Variants in PPARGC1A observed in about 807,000 individuals in gnomAD.
The protein encoded by PPARGC1A is peroxisome proliferator-activated receptor gamma coactivator 1-alpha.
A neutral mutation model predicts 88.7 loss-of-function variants in PPARGC1A; 25 were observed. That is an observed-to-expected ratio of 0.28 (90% CI 0.21 to 0.39). PPARGC1A has a LOEUF of 0.39. Among genes scored for constraint, PPARGC1A ranks in the 10% least tolerant of loss-of-function variants. The probability of loss-of-function intolerance (pLI) is 1.00; values close to 1 mark genes in which losing one functional copy is unlikely to be tolerated. For synonymous variants in PPARGC1A, 363 were observed against 355.6 expected, an observed-to-expected ratio of 1.02 and a Z score of -0.24; for missense variants, 880 against 968.7, an observed-to-expected ratio of 0.91 and a Z score of 1.22.
chr4:24,243,860 T>C, the PPARGC1A span, among the ~76,000 whole-genome samples: 1 of 152,198 alleles, frequency 6.6e-6, no homozygotes, highest in Non-Finnish European at 1.5e-5. Context: ...AGCTGTTTCC[T>C]AAGAAAACAG....
At chr4:24,161,632 A>C in the PPARGC1A span, among the ~76,000 whole-genome samples, 2 of 152,164 alleles carry the variant, frequency 1.3e-5, no homozygotes, top group Non-Finnish European at 2.9e-5. Flanking sequence ...AATGAGTAGT[A>C]TAAGAGGGTT....
At chr4:24,201,869 T>C in the PPARGC1A span, among the ~76,000 whole-genome samples, 1 of 152,118 alleles carries the variant, frequency 6.6e-6, no homozygotes, top group Non-Finnish European at 1.5e-5. Flanking sequence ...GGCATCTTTT[T>C]AGCAGGTGCA....
At chr4:24,082,480 C>G in the PPARGC1A span, among the ~76,000 whole-genome samples, 1 of 152,034 alleles carries the variant, frequency 6.6e-6, no homozygotes, top group Non-Finnish European at 1.5e-5. Flanking sequence ...TGGGGACTAG[C>G]TTAAATTGAG....
chr4:24,470,629 C>A, the PPARGC1A span, among the ~76,000 whole-genome samples: 4 of 151,990 alleles, frequency 2.6e-5, no homozygotes, highest in African/African-American at 9.7e-5. This position sits in a 1 kb window ranked among gnomAD's most constrained non-coding sequence, Gnocchi z 5.8. Context: ...GCTGCCTCAC[C>A]GCGAATCCTC....
At position 23,795,524 on chromosome 4, in the gene PPARGC1A, C is replaced by T; in HGVS notation, c.*298G>A. On this transcript the variant is annotated 3_prime_UTR_variant, in exon 13 of 13. Transcript: ENST00000264867. ...ATACATACACACACACATACATGCA[C>T]ACACGCACACTCCATCACCAAGAGA... is the stretch of plus-strand genomic sequence containing the variant. 3.1e-6 allele frequency: 1 copy of T among 317,528 alleles called. No homozygotes were observed. The allele number at this position is 317,528 out of a possible 1,614,324, so 19.7% of individuals were successfully genotyped here. A position where few individuals can be genotyped will look rare whatever the true frequency, so the allele number is the denominator to read the frequency against.
the PPARGC1A span, among the ~76,000 whole-genome samples, chr4:24,220,700 A>G: frequency 6.6e-6 from 1 of 152,228 alleles, no homozygotes; most frequent in African/African-American, 2.4e-5. Context: ...AAAGATGAGA[A>G]CAATAAACAC....
At chr4:24,179,815 G>GT in the PPARGC1A span, among the ~76,000 whole-genome samples, 1 of 152,130 alleles carries the variant, frequency 6.6e-6, no homozygotes, top group African/African-American at 2.4e-5. Flanking sequence ...CAACTGATAT[G>GT]TTTTTTATTT....
At chr4:23,873,203 T>TAAA (rs1560487976) in intron 2 of PPARGC1A, among the ~76,000 whole-genome samples, 1 of 109,156 alleles carries the variant, frequency 9.2e-6, no homozygotes, top group Admixed American at 1.0e-4. Context: ...GTCTCAAAAA[T>TAAA]AAAAAATAAA....
chr4:24,177,427 G>A, the PPARGC1A span, among the ~76,000 whole-genome samples: 7 of 150,960 alleles, frequency 4.6e-5, no homozygotes, highest in South Asian at 1.5e-3. Context: ...GAGAACACAC[G>A]GACACAGGAA....
the PPARGC1A span, among the ~76,000 whole-genome samples, chr4:24,324,037 G>A: frequency 1.3e-5 from 2 of 152,160 alleles, no homozygotes; most frequent in Admixed American, 6.5e-5. Context: ...AAACTCTGGC[G>A]CCGGTCACGG....
At chr4:24,072,305 C>T in the PPARGC1A span, among the ~76,000 whole-genome samples, 3 of 151,522 alleles carry the variant, frequency 2.0e-5, no homozygotes, top group East Asian at 5.8e-4. Context: ...TAGAATACTT[C>T]CAATTCATAT....
chr4:23,849,741 G>C (rs1728941835), intron 2 of PPARGC1A, among the ~76,000 whole-genome samples: 1 of 151,928 alleles, frequency 6.6e-6, no homozygotes, highest in Non-Finnish European at 1.5e-5. Context: ...GCTCTTTGAA[G>C]GTCATAGTCT....
chr4:24,086,989 A>G, the PPARGC1A span, among the ~76,000 whole-genome samples: 1 of 152,220 alleles, frequency 6.6e-6, no homozygotes, highest in Non-Finnish European at 1.5e-5. Context: ...GTCTGTCTCA[A>G]GATCAACACG....
chr4:24,040,005 T>C, the PPARGC1A span, among the ~76,000 whole-genome samples: 134,407 of 152,200 alleles, frequency 0.88, 59,676 homozygotes, highest in Admixed American at 0.94. Flanking sequence ...TGTTCCACAA[T>C]AGCCAGGATA....
At chr4:24,297,422 G>A in the PPARGC1A span, among the ~76,000 whole-genome samples, 7 of 152,196 alleles carry the variant, frequency 4.6e-5, no homozygotes, top group East Asian at 1.9e-4. Flanking sequence ...TTATGCCCAC[G>A]AATTCGCACA....
the PPARGC1A span, among the ~76,000 whole-genome samples, chr4:24,391,401 A>G: frequency 0.013 from 1,975 of 152,308 alleles, 43 homozygotes; most frequent in African/African-American, 0.046. Context: ...ACTCTGTAAC[A>G]TAGCAAGGTA....
At chr4:24,381,963 T>C in the PPARGC1A span, among the ~76,000 whole-genome samples, 1 of 152,230 alleles carries the variant, frequency 6.6e-6, no homozygotes, top group Non-Finnish European at 1.5e-5. Context: ...GAGATAAAAG[T>C]CTATATCATT....
the PPARGC1A span, among the ~76,000 whole-genome samples, chr4:24,134,893 TGG>T: frequency 6.6e-6 from 1 of 152,178 alleles, no homozygotes; most frequent in Non-Finnish European, 1.5e-5. Context: ...TTGTCAAAAG[TGG>T]ACAAAGAAAA....
intron 11 of PPARGC1A, 95 bp downstream of exon 11, chr4:23,802,129 C>T: frequency 6.5e-7 from 1 of 1,528,712 alleles, no homozygotes. Context: ...TCTGTCAAAG[C>T]ACTTACATTG....
Sources: gnomAD v4.1 joint callset for allele counts (sites outside exome capture counted in the v4.1 genomes callset) on GRCh38, gnomAD v4.1.1 for gene constraint, Gnocchi (gnomAD v3.1) non-coding constraint, MANE v1.5 for transcripts, NCBI Gene and HGNC (gene_info 2026-07-23, HGNC 2026-07-21) for gene names.